Variants in PLCXD3 observed in about 807,000 individuals in gnomAD.
The protein encoded by PLCXD3 is phosphatidylinositol specific phospholipase C X domain containing 3.
PLCXD3 carries 19 observed loss-of-function variants against 25.5 expected under a neutral mutation model. That is an observed-to-expected ratio of 0.75 (90% CI 0.52 to 1.09). The LOEUF is 1.09. Ranked by LOEUF, PLCXD3 falls within the 50% of genes least tolerant of loss-of-function variation. The pLI, the probability that PLCXD3 is intolerant of heterozygous loss-of-function variation, is 0.00. For missense variants in PLCXD3, 411 were observed against 388.1 expected (o/e 1.06, Z -0.50); for synonymous variants, 174 against 137.6 (o/e 1.26, Z -1.85).
At chr5:41,315,245 A>AC (rs1356642582) in intron 2 of PLCXD3, among the ~76,000 whole-genome samples, 1 of 152,138 alleles carries the variant, frequency 6.6e-6, no homozygotes, top group Non-Finnish European at 1.5e-5. Flanking sequence ...CAGGCCAGAG[A>AC]CATGATAGTG....
At chr5:41,471,553 T>C (rs1365800492) in intron 1 of PLCXD3, among the ~76,000 whole-genome samples, 2 of 152,086 alleles carry the variant, frequency 1.3e-5, no homozygotes, top group African/African-American at 2.4e-5. Flanking sequence ...GCTAAAGTGC[T>C]CCTGTCCTGC....
At position 41,420,265 on chromosome 5, in the gene PLCXD3, G is replaced by T. The variant is rs527242169; in HGVS notation, c.104-37731C>A. Among the ~76,000 whole-genome samples, 134 of 152,264 alleles carry T rather than the reference G, an allele frequency of 8.8e-4. 1 individual carries two copies. Among genetic ancestry groups the T allele is most frequent in the Admixed American group, 2.0e-3 (30 of 15,300 alleles). ...AAACAAAAGGGAATAGAAGAAAACT[G>T]ATACATGTCATTAAATTGGTCTTAT... On this transcript the variant is annotated intron_variant, in intron 1 of 2. Coordinates refer to ENST00000377801, the MANE Select transcript of PLCXD3 (RefSeq NM_001005473.3).
chr5:41,364,945 G>A lies in PLCXD3; in HGVS notation c.812+16881C>T, dbSNP rs148446134. Among the ~76,000 whole-genome samples the A allele has an allele frequency of 3.2e-3, 490 of 152,288 alleles. 4 individuals carry two copies. Among genetic ancestry groups the A allele is most frequent in the Middle Eastern group, 0.01 (3 of 294 alleles). On this transcript the variant is annotated intron_variant, in intron 2 of 2. Coordinates refer to ENST00000377801, the MANE Select transcript of PLCXD3 (RefSeq NM_001005473.3). Reference sequence around the variant, plus strand: ...ACCTTGAATTTTAAAAATAAAATACGTAACATGCATTTAGCAAATTTTCTC... The same window carrying A: ...ACCTTGAATTTTAAAAATAAAATACATAACATGCATTTAGCAAATTTTCTC...
intron 2 of PLCXD3, among the ~76,000 whole-genome samples, chr5:41,332,154 G>A (rs1743835269): frequency 6.6e-6 from 1 of 151,890 alleles, no homozygotes; most frequent in Admixed American, 6.6e-5. Context: ...GAGTGAACAG[G>A]CAACCTACAA....
At chr5:41,338,784 C>G (rs1375952433) in intron 2 of PLCXD3, among the ~76,000 whole-genome samples, 2 of 152,058 alleles carry the variant, frequency 1.3e-5, no homozygotes, top group African/African-American at 4.8e-5. Flanking sequence ...CTTAAATACC[C>G]CCATTTACTT....
chr5:41,447,317 T>C (rs1747526916), intron 1 of PLCXD3, among the ~76,000 whole-genome samples: 1 of 152,004 alleles, frequency 6.6e-6, no homozygotes, highest in Non-Finnish European at 1.5e-5. Context: ...TGAAATGAAA[T>C]GAAAAAAATA....
intron 2 of PLCXD3, among the ~76,000 whole-genome samples, chr5:41,326,447 T>A (rs1440703762): frequency 6.6e-6 from 1 of 152,210 alleles, no homozygotes; most frequent in African/African-American, 2.4e-5. Flanking sequence ...CAGCAGTGTG[T>A]ATGAGTTTTT....
chr5:41,443,937 T>C (rs1008938016), intron 1 of PLCXD3, among the ~76,000 whole-genome samples: 12 of 152,332 alleles, frequency 7.9e-5, no homozygotes, highest in Admixed American at 2.0e-4. Flanking sequence ...CCCTGAGCTA[T>C]TTTGATGGTA....
At chr5:41,408,156 A>G (rs764487986) in intron 1 of PLCXD3, among the ~76,000 whole-genome samples, 10 of 152,224 alleles carry the variant, frequency 6.6e-5, no homozygotes, top group Non-Finnish European at 1.3e-4. Flanking sequence ...TGGTGAAACT[A>G]TTAAGTCTCT....
chr5:41,510,571 C>A lies in PLCXD3; in HGVS notation c.-45G>T. 1 of 1,461,554 alleles carries A rather than the reference C, an allele frequency of 6.8e-7. No individual in the cohort carries two copies. The highest frequency in any genetic ancestry group is 9.5e-7 in the Non-Finnish European group (1 of 1,052,232). 90.5% of individuals were successfully genotyped at this position (1,461,554 alleles called of 1,614,324 possible). The stretch of plus-strand genomic sequence containing the variant: ...CGCGCTGGTCCCAGCACTCCTCGGG[C>A]AGGCTGGCAGGCTGCTGCCGCTAAT... On this transcript the variant is annotated 5_prime_UTR_variant, in exon 1 of 3. Coordinates refer to ENST00000377801, the MANE Select transcript of PLCXD3 (RefSeq NM_001005473.3).
At chr5:41,437,699 C>T (rs318058) in intron 1 of PLCXD3, among the ~76,000 whole-genome samples, 133,739 of 152,198 alleles carry the variant, frequency 0.88, 59,126 homozygotes, top group Middle Eastern at 0.94. Flanking sequence ...CAGATAGATA[C>T]CATGTCTGGT....
intron 1 of PLCXD3, among the ~76,000 whole-genome samples, chr5:41,394,791 T>C (rs530173351): frequency 6.6e-6 from 1 of 152,308 alleles, no homozygotes; most frequent in African/African-American, 2.4e-5. Flanking sequence ...TTTAACTATA[T>C]ATGCACCCAA....
At chr5:41,443,705 T>C (rs1747432936) in intron 1 of PLCXD3, among the ~76,000 whole-genome samples, 1 of 152,162 alleles carries the variant, frequency 6.6e-6, no homozygotes, top group Non-Finnish European at 1.5e-5. Flanking sequence ...GAACTGAGTC[T>C]TTCCTTTAAG....
chr5:41,319,755 A>G (rs963705067), intron 2 of PLCXD3, among the ~76,000 whole-genome samples: 1 of 152,160 alleles, frequency 6.6e-6, no homozygotes, highest in African/African-American at 2.4e-5. Flanking sequence ...AAGAAATAAT[A>G]AAGATCAGAG....
At chr5:41,345,622 G>A (rs1191091781) in intron 2 of PLCXD3, among the ~76,000 whole-genome samples, 2 of 151,596 alleles carry the variant, frequency 1.3e-5, no homozygotes, top group Non-Finnish European at 1.5e-5. Context: ...AAATATCTTG[G>A]TAAGTGTCCA....
rs1722257945 is a variant in PLCXD3 at position 41,312,674 on chromosome 5, T to C, written c.*943A>G. 1.6e-5 allele frequency: 2 copies of C among 123,444 alleles called. No homozygotes were observed. The highest frequency in any genetic ancestry group is 1.7e-4 in the Admixed American group (2 of 11,516). The allele number at this position is 123,444 out of a possible 1,614,324, so 7.6% of individuals were successfully genotyped here. On this transcript the variant is annotated 3_prime_UTR_variant, in exon 3 of 3. Transcript: ENST00000377801. Reference sequence around the variant, plus strand: ...TTCTTCCCTCCCTTCCTCCCTCCCTTCCTTTCTTCCTTTCCTTCCTTCCTT... The same window carrying C: ...TTCTTCCCTCCCTTCCTCCCTCCCTCCCTTTCTTCCTTTCCTTCCTTCCTT...
At chr5:41,507,953 T>C (rs1402343172) in intron 1 of PLCXD3, among the ~76,000 whole-genome samples, 1 of 152,228 alleles carries the variant, frequency 6.6e-6, no homozygotes, top group Non-Finnish European at 1.5e-5. Flanking sequence ...CAAAAATTCT[T>C]AGTGCTGAGT....
intron 1 of PLCXD3, among the ~76,000 whole-genome samples, chr5:41,423,862 G>T (rs551625587): frequency 1.3e-5 from 2 of 152,086 alleles, no homozygotes; most frequent in Non-Finnish European, 2.9e-5. Flanking sequence ...TATTTAAGGT[G>T]TACAACTTGA....
In PLCXD3 at chr5:41,395,283, A is replaced by T. The variant is rs77330180; in HGVS notation, c.104-12749T>A. ...GAAAAATTTGTTGAAACAAATGATAATGGAAACACAATATACCAAAACCTA... is the reference window on the plus strand; with the variant it reads ...GAAAAATTTGTTGAAACAAATGATATTGGAAACACAATATACCAAAACCTA... On this transcript the variant is annotated intron_variant, in intron 1 of 2. Transcript: ENST00000377801. 3.6e-3 allele frequency among the ~76,000 whole-genome samples: 550 copies of T among 152,250 alleles called. 21 individuals carry two copies. The East Asian group carries it at 0.09, about 25-fold the overall frequency.
Sources: allele counts gnomAD v4.1 joint callset (sites outside exome capture counted in the v4.1 genomes callset), GRCh38; gene constraint gnomAD v4.1.1; transcripts MANE v1.5; gene names NCBI Gene and HGNC (gene_info 2026-07-23, HGNC 2026-07-21).